Variants in FRMD4B observed in about 807,000 individuals in gnomAD.
FRMD4B encodes FERM domain containing 4B.
A neutral mutation model predicts 141.5 loss-of-function variants in FRMD4B; 74 were observed. The observed-to-expected ratio is 0.52, with a 90% confidence interval of 0.43 to 0.63. The LOEUF is 0.63. FRMD4B is among the 30% of genes least tolerant of loss of function. FRMD4B has a pLI of 0.00. For synonymous variants in FRMD4B, 506 were observed against 467.9 expected, an observed-to-expected ratio of 1.08 and a Z score of -1.05; for missense variants, 1,366 against 1,253.4, an observed-to-expected ratio of 1.09 and a Z score of -1.36.
chr3:69,457,820 C>T (rs370204118), intron 1 of FRMD4B, among the ~76,000 whole-genome samples: 1 of 152,176 alleles, frequency 6.6e-6, no homozygotes, highest in East Asian at 1.9e-4. Flanking sequence ...CTGAGGTTGA[C>T]GGTTCTAGCA....
In FRMD4B at chr3:69,265,262, A is replaced by AC. The variant is rs2093553669; in HGVS notation, c.502-15164_502-15163insG. Among the ~76,000 whole-genome samples, 2 of 21,240 alleles carry AC rather than the reference A, an allele frequency of 9.4e-5. 1 individual carries two copies. The highest frequency in any genetic ancestry group is 3.1e-4 in the African/African-American group (2 of 6,400). The allele number at this position is 21,240 out of a possible 152,430, so 13.9% of individuals were successfully genotyped here. A position where few individuals can be genotyped will look rare whatever the true frequency, so the allele number is the denominator to read the frequency against. ...ACAGCGAGACTCCATCTCAAAAAAA[A>AC]AAAAAAAATATATATATATATATAT... On this transcript the variant is annotated intron_variant, in intron 5 of 22. Transcript: ENST00000398540.
At chr3:69,407,155 A>C (rs1170835723) in intron 2 of FRMD4B, among the ~76,000 whole-genome samples, 2 of 152,172 alleles carry the variant, frequency 1.3e-5, no homozygotes, top group Non-Finnish European at 2.9e-5. Context: ...TGGTTTAAGG[A>C]AGAAAGTGGT....
chr3:69,310,485 G>C (rs1252880456), intron 3 of FRMD4B: 1 of 455,998 alleles, frequency 2.2e-6, no homozygotes, highest in Non-Finnish European at 4.4e-6. Flanking sequence ...CTCTGATAAT[G>C]TATCGGGCTG....
intron 1 of FRMD4B, among the ~76,000 whole-genome samples, chr3:69,512,741 A>T (rs1486181453): frequency 6.6e-6 from 1 of 152,210 alleles, no homozygotes. Context: ...AGTAGTCTCT[A>T]ACTGTGCATC....
At chr3:69,187,246 C>T (rs2092777490) in intron 19 of FRMD4B, among the ~76,000 whole-genome samples, 1 of 151,952 alleles carries the variant, frequency 6.6e-6, no homozygotes, top group Non-Finnish European at 1.5e-5. Flanking sequence ...TTTTAAAAGA[C>T]TTCTTAAAAA....
intron 1 of FRMD4B, among the ~76,000 whole-genome samples, chr3:69,533,965 A>G (rs1314714423): frequency 2.0e-5 from 3 of 152,202 alleles, no homozygotes; most frequent in Admixed American, 6.5e-5. Flanking sequence ...TACATGCCCA[A>G]GAATCTTCCA....
At chr3:69,518,716 A>G (rs1700804208) in intron 1 of FRMD4B, among the ~76,000 whole-genome samples, 1 of 152,162 alleles carries the variant, frequency 6.6e-6, no homozygotes, top group African/African-American at 2.4e-5. Context: ...TTTGAAGGTG[A>G]GCCAGTTAGA....
intron 1 of FRMD4B, among the ~76,000 whole-genome samples, chr3:69,535,193 C>T (rs1701066219): frequency 6.9e-6 from 1 of 144,792 alleles, no homozygotes; most frequent in South Asian, 2.2e-4. Context: ...GAGTGTAGAT[C>T]CTCTGAAGCT....
chr3:69,420,363 C>T (rs1704954478), intron 2 of FRMD4B, among the ~76,000 whole-genome samples: 1 of 151,172 alleles, frequency 6.6e-6, no homozygotes, highest in African/African-American at 2.4e-5. Context: ...TCTCAGGTGC[C>T]ATGGTTTCTA....
At chr3:69,190,094 T>C (rs1371667263) in intron 17 of FRMD4B, 142 bp from the exon 18 acceptor site, 9 of 582,426 alleles carry the variant, frequency 1.5e-5, no homozygotes, top group South Asian at 1.4e-4. Flanking sequence ...TTAACTACCA[T>C]AGTAAGAATG....
chr3:69,493,685 T>TTCTC (rs138039931), intron 1 of FRMD4B, among the ~76,000 whole-genome samples: 1 of 151,416 alleles, frequency 6.6e-6, no homozygotes, highest in Admixed American at 6.6e-5. Flanking sequence ...TTCTTTAGAA[T>TTCTC]TCTCTCTCTC....
chr3:69,470,580 T>C (rs775949009), intron 1 of FRMD4B, among the ~76,000 whole-genome samples: 32 of 152,156 alleles, frequency 2.1e-4, no homozygotes, highest in African/African-American at 4.8e-5. Context: ...TTGGTATTAG[T>C]AAAGCTCTGG....
chr3:69,268,720 C>A (rs2093580163), intron 5 of FRMD4B, among the ~76,000 whole-genome samples: 1 of 151,744 alleles, frequency 6.6e-6, no homozygotes, highest in South Asian at 2.1e-4. Flanking sequence ...ACTAAAGAAG[C>A]CCTGGTAAAG....
intron 7 of FRMD4B, chr3:69,228,389 G>A (rs1252167471): frequency 6.6e-6 from 3 of 456,992 alleles, no homozygotes; most frequent in Middle Eastern, 3.3e-4. Context: ...CTGGGTAAGC[G>A]AGCTGAGAAA....
chr3:69,535,176 T>A (rs1167653123), intron 1 of FRMD4B, among the ~76,000 whole-genome samples: 1 of 152,230 alleles, frequency 6.6e-6, no homozygotes, highest in Non-Finnish European at 1.5e-5. Flanking sequence ...GCAGCAAAGA[T>A]AGATCTGAGT....
chr3:69,349,625 G>C (rs970023820), intron 1 of FRMD4B, among the ~76,000 whole-genome samples: 1 of 151,952 alleles, frequency 6.6e-6, no homozygotes, highest in Non-Finnish European at 1.5e-5. Context: ...CCAAAACAGA[G>C]ATATAGACCA....
At chr3:69,437,216 G>T (rs1705272703) in intron 1 of FRMD4B, among the ~76,000 whole-genome samples, 1 of 151,864 alleles carries the variant, frequency 6.6e-6, no homozygotes, top group South Asian at 2.1e-4. Context: ...GGGACCACAG[G>T]CACGCGCCAC....
chr3:69,353,137 G>A (rs914826955), intron 1 of FRMD4B, among the ~76,000 whole-genome samples: 2 of 151,964 alleles, frequency 1.3e-5, no homozygotes, highest in African/African-American at 4.8e-5. Context: ...GGGAGCAGGG[G>A]AAAGGGTGAT....
In FRMD4B at chr3:69,170,133, T is replaced by C. The variant is rs1303993653; in HGVS notation, c.*1728A>G. The C allele has an allele frequency of 2.0e-5, 3 of 152,132 alleles. No individual in the cohort carries two copies. The highest frequency in any genetic ancestry group is 7.2e-5 in the African/African-American group (3 of 41,428). 9.4% of individuals were successfully genotyped at this position (152,132 alleles called of 1,614,324 possible). A position where few individuals can be genotyped will look rare whatever the true frequency, so the allele number is the denominator to read the frequency against. ...TAATGTAAATATTTAAAAATGTACA[T>C]CCCGGAATTAATAAAATACGGTAAT... On this transcript the variant is annotated 3_prime_UTR_variant, in exon 23 of 23. Transcript: ENST00000398540.
Sources: allele counts gnomAD v4.1 joint callset (sites outside exome capture counted in the v4.1 genomes callset), GRCh38; gene constraint gnomAD v4.1.1; transcripts MANE v1.5; gene names NCBI Gene and HGNC (gene_info 2026-07-23, HGNC 2026-07-21).